FASN: variants seen among roughly 807,000 people sequenced by gnomAD.
FASN encodes the protein fatty acid synthase, also known as 3-hydroxyacyl-[acyl-carrier-protein] dehydratase.
A neutral mutation model predicts 250.0 loss-of-function variants in FASN; 50 were observed. That is an observed-to-expected ratio of 0.20 (90% CI 0.16 to 0.25). The LOEUF (loss-of-function observed/expected upper bound fraction) is 0.25, where lower values mean the gene tolerates loss of function less well. Among genes scored for constraint, FASN ranks in the 10% least tolerant of loss-of-function variants. The pLI is 1.00. For synonymous variants in FASN, 1,909 were observed against 1,584.0 expected, an observed-to-expected ratio of 1.21 and a Z score of -4.87; for missense variants, 3,031 against 3,498.5, an observed-to-expected ratio of 0.87 and a Z score of 3.37.
At chr17:82,083,744 G>A in intron 30 of FASN, 28 bp downstream of exon 30, 1 of 1,611,020 alleles carries the variant, frequency 6.2e-7, no homozygotes, top group Non-Finnish European at 8.5e-7. Flanking sequence ...TAGGCAGGAG[G>A]CAGGTGGGGG....
Position 82,081,166 on chromosome 17 carries a change from C to CTGG in FASN, c.6590_6592dup (p.Ala2197_Ser2198insThr). ...CCCGCCTGGCCACCCACACGCACCG[C>CTGG]TGGCCTCATCCGCCTTTGAGGACAG... On this transcript the variant is annotated inframe_insertion, in exon 38 of 43. Coordinates refer to ENST00000306749, the MANE Select transcript of FASN (RefSeq NM_004104.5). The CTGG allele has an allele frequency of 6.3e-7, 1 of 1,580,904 alleles. No homozygotes were observed. The highest frequency in any genetic ancestry group is 1.3e-5 in the African/African-American group (1 of 74,674).
At position 82,096,382 on chromosome 17, in the gene FASN, A is replaced by T; in HGVS notation, c.64T>A (p.Phe22Ile). The T allele has an allele frequency of 6.2e-7, 1 of 1,612,746 alleles. No homozygotes were observed. Among genetic ancestry groups the T allele is most frequent in the Non-Finnish European group, 8.5e-7 (1 of 1,179,918 alleles). The change falls in exon 2 of 43, where the codon TTC becomes ATC. Residue 22 changes from phenylalanine to isoleucine, a missense_variant. Phe to Ile is a conservative substitution (Grantham distance 21). Transcript: ENST00000306749. ...KLPESENLQEFWDNLIGGVDM... is the reference protein window; with the variant it reads ...KLPESENLQEIWDNLIGGVDM... ...ACACCGCCGATGAGGTTGTCCCAGA[A>T]CTCCTGCAAGTTCTCCGACTCTGGC...
At position 82,091,470 on chromosome 17, in the gene FASN, G is replaced by A. The variant is rs373067136; in HGVS notation, c.1244C>T (p.Ala415Val). Residue 415 changes from alanine to valine, a missense_variant, in exon 9 of 43, where the codon GCC becomes GTC. By Grantham distance (64) the Ala-to-Val change is moderately conservative (BLOSUM62 0). Coordinates refer to ENST00000306749, the MANE Select transcript of FASN (RefSeq NM_004104.5). Reference protein sequence around the residue: ...RPNTQPPPAPAPHATLPRLLR... With the variant: ...RPNTQPPPAPVPHATLPRLLR... The stretch of plus-strand genomic sequence containing the variant: ...CAGACGGGGCAGGGTGGCATGTGGG[G>A]CGGGTGCGGGGGGCGGCTGCGTGTT... The A allele has an allele frequency of 3.1e-6, 5 of 1,605,846 alleles. No individual in the cohort carries two copies. The African/African-American group carries it at 6.7e-5, about 21-fold the overall frequency.
rs1598574613 is a variant in FASN, at chr17:82,083,105, T to C, written c.5576A>G (p.Glu1859Gly). Residue 1859 changes from glutamate (E) to glycine (G), a missense_variant, in exon 33 of 43, where the codon GAG becomes GGG. By Grantham distance (98) the Glu-to-Gly change is moderately conservative. Transcript: ENST00000306749. ...CCCCTTCAGCACTGCCTCCGGCTCC[T>C]CCGCAAGCACCTGCGTCCAAGCAGC... ...IGKVVVQVLA[E>G]EPEAVLKGAK... 17 of 1,610,352 alleles carry C rather than the reference T, an allele frequency of 1.1e-5. No homozygotes were observed. Among genetic ancestry groups the C allele is most frequent in the Middle Eastern group, 1.6e-4 (1 of 6,084 alleles).
At chr17:82,091,754 C>T in intron 8 of FASN, 70 bp from the exon 9 acceptor site, 4 of 1,376,412 alleles carry the variant, frequency 2.9e-6, no homozygotes, top group Non-Finnish European at 3.9e-6. Flanking sequence ...GGGGCAGGCA[C>T]CTCCCCGAGA....
chr17:82,096,806 G>A (rs182453778), intron 1 of FASN: 2 of 363,058 alleles, frequency 5.5e-6, no homozygotes, highest in South Asian at 2.2e-5. Context: ...AGCCTTCCAA[G>A]GCTCCTGGAG....
Position 82,080,531 on chromosome 17 carries a change from C to G in FASN, c.6886G>C (p.Val2296Leu). 1.3e-6 allele frequency: 2 copies of G among 1,561,586 alleles called. No individual in the cohort carries two copies. The highest frequency in any genetic ancestry group is 1.2e-5 in the South Asian group (1 of 85,264). ...AAYYIDCIRQ[V>L]QPEGPYRVAG... is the part of the protein sequence containing the mutation. ...ACGCGGTAGGGGCCCTCGGGCTGCA[C>G]CTGCCTGATGCAGTCGATGTAGTAG... The change falls in exon 40 of 43, where the codon GTG becomes CTG. Residue 2296 changes from valine (V) to leucine (L), a missense_variant. Val to Leu is a conservative substitution (Grantham distance 32, BLOSUM62 1). Coordinates refer to ENST00000306749, the MANE Select transcript of FASN (RefSeq NM_004104.5).
chr17:82,092,420 G>A (rs1487301782), intron 8 of FASN, 35 bp downstream of exon 8: 2 of 1,551,354 alleles, frequency 1.3e-6, no homozygotes, highest in South Asian at 2.4e-5. Flanking sequence ...CAGGGAGCAG[G>A]AGCCTGAGGG....
intron 38 of FASN, 108 bp from the exon 39 acceptor site, chr17:82,081,030 G>T (rs1006026690): frequency 3.1e-5 from 43 of 1,391,604 alleles, no homozygotes; most frequent in Non-Finnish European, 4.3e-5. Context: ...CGTCAGGTGG[G>T]AGTCGGGGTG....
intron 12 of FASN, 96 bp from the exon 13 acceptor site, chr17:82,089,480 G>C (rs2034164101): frequency 3.7e-6 from 6 of 1,602,492 alleles, no homozygotes; most frequent in Non-Finnish European, 5.1e-6. Context: ...AGGGAACCGA[G>C]AGGGAATGGG....
chr17:82,083,379 C>T lies in FASN; in HGVS notation c.5388G>A (p.Leu1796=). 1 of 1,612,834 alleles carries T rather than the reference C, an allele frequency of 6.2e-7. No homozygotes were observed. The highest frequency in any genetic ancestry group is 8.5e-7 in the Non-Finnish European group (1 of 1,180,016). ...CACTGCTCTCGTTGAAGAACGCATC[C>T]AGTAGGACCCCGTGGAATGTCACGT... The part of the protein sequence containing the change: ...LKNVTFHGVL[L]DAFFNESSAD... The change falls in exon 32 of 43, where the codon CTG becomes CTA. Residue 1796 remains leucine, a synonymous_variant. Coordinates refer to ENST00000306749, the MANE Select transcript of FASN (RefSeq NM_004104.5).
intron 33 of FASN, 87 bp downstream of exon 33, chr17:82,082,827 C>A (rs546283360): frequency 1.3e-6 from 2 of 1,566,006 alleles, no homozygotes; most frequent in Non-Finnish European, 8.7e-7. Context: ...ACCGTGACAG[C>A]CCACAATGGT....
chr17:82,078,849 G>A lies in FASN; in HGVS notation c.*294C>T, dbSNP rs906054177. ...AAATCCAAGCACAGAAAGACCAAGC[G>A]CAGACCCCACGGGCGCACGAGGCCC... On this transcript the variant is annotated 3_prime_UTR_variant, in exon 43 of 43. Coordinates refer to ENST00000306749, the MANE Select transcript of FASN (RefSeq NM_004104.5). The surrounding 1 kb of genome is among the most constrained non-coding windows in gnomAD (Gnocchi z 5.4). 8.7e-5 allele frequency: 47 copies of A among 537,562 alleles called. No individual in the cohort carries two copies. The highest frequency in any genetic ancestry group is 1.0e-4 in the South Asian group (5 of 49,592). The allele number at this position is 537,562 out of a possible 1,614,324, so 33.3% of individuals were successfully genotyped here.
In FASN at chr17:82,083,353, G is replaced by A; in HGVS notation, c.5414C>T (p.Ala1805Val). The A allele has an allele frequency of 6.2e-7, 1 of 1,612,822 alleles. No homozygotes were observed. Among genetic ancestry groups the A allele is most frequent in the East Asian group, 2.2e-5 (1 of 44,882 alleles). ...AAGCGCCCACACCTCCCGCCAGTCA[G>A]CACTGCTCTCGTTGAAGAACGCATC... Reference protein sequence around the residue: ...LLDAFFNESSADWREVWALVQ... With the variant: ...LLDAFFNESSVDWREVWALVQ... The change falls in exon 32 of 43, where the codon GCT becomes GTT. Residue 1805 changes from alanine (A) to valine (V), a missense_variant. Physicochemically the swap from Ala to Val is moderately conservative, Grantham distance 64 (BLOSUM62 0). Transcript: ENST00000306749.
In FASN at chr17:82,079,375, C is replaced by T. The variant is rs372851184; in HGVS notation, c.7380G>A (p.Ala2460=). The change falls in exon 42 of 43, where the codon GCG becomes GCA. Residue 2460 remains alanine (A), a synonymous_variant. Transcript: ENST00000306749. ...TGGAYGEDLG[A]DYNLSQVCDG... is the part of the protein sequence containing the mutation. ...TGCGCACCTGGGAGAGGTTGTAGTC[C>T]GCGCCCAGGTCCTCGCCGTAGGCGC... 7.1e-5 allele frequency: 114 copies of T among 1,612,846 alleles called. No individual in the cohort carries two copies. Among genetic ancestry groups the T allele is most frequent in the Admixed American group, 1.8e-4 (11 of 60,010 alleles).
At chr17:82,090,166 A>T (rs1381640060) in intron 11 of FASN, among the ~76,000 whole-genome samples, 1 of 152,194 alleles carries the variant, frequency 6.6e-6, no homozygotes, top group Non-Finnish European at 1.5e-5. Flanking sequence ...ATGCCCATGG[A>T]CACGTGCCTA....
Position 82,096,457 on chromosome 17 carries a change from AGGGC to A in FASN, c.-7-9_-7-6del. 6.2e-7 allele frequency: 1 copy of A among 1,610,674 alleles called. No homozygotes were observed. ...ACCACCTCCTCCATGGCTGCTCTGCAGGGCGGGCGGTGTGAGTGCCCCACACATC... is the reference window on the plus strand; with the variant it reads ...ACCACCTCCTCCATGGCTGCTCTGCAGGGCGGTGTGAGTGCCCCACACATC... On this transcript the variant is annotated splice_region_variant and splice_polypyrimidine_tract_variant and intron_variant, in intron 1 of 42. Coordinates refer to ENST00000306749, the MANE Select transcript of FASN (RefSeq NM_004104.5).
rs144212251 is a variant in FASN, at chr17:82,083,297, G to T, written c.5470C>A (p.Arg1824=). Reference sequence around the variant, plus strand: ...TGGAACACCGTGCACTTGAGGGGCCGTACCACCCCATCCCGGATGCCGGCC... The same window carrying T: ...TGGAACACCGTGCACTTGAGGGGCCTTACCACCCCATCCCGGATGCCGGCC... The part of the protein sequence containing the change: ...VQAGIRDGVV[R]PLKCTVFHGA... Residue 1824 remains arginine, a synonymous_variant, in exon 32 of 43, where the codon CGG becomes AGG. Coordinates refer to ENST00000306749, the MANE Select transcript of FASN (RefSeq NM_004104.5). The T allele has an allele frequency of 1.2e-6, 2 of 1,612,578 alleles. No individual in the cohort carries two copies. The highest frequency in any genetic ancestry group is 1.3e-5 in the African/African-American group (1 of 74,920).
At chr17:82,087,000 T>A in intron 21 of FASN, 50 bp downstream of exon 21, 1 of 1,596,992 alleles carries the variant, frequency 6.3e-7, no homozygotes, top group Non-Finnish European at 8.5e-7. Context: ...GGGGAGGCGA[T>A]CGCTCCTCAT....
Sources: allele counts gnomAD v4.1 joint callset (sites outside exome capture counted in the v4.1 genomes callset), GRCh38; gene constraint gnomAD v4.1.1; non-coding constraint Gnocchi (gnomAD v3.1); transcripts MANE v1.5; gene names NCBI Gene and HGNC (gene_info 2026-07-23, HGNC 2026-07-21).